Variants in KAT7 observed in about 807,000 individuals in gnomAD.
KAT7 encodes the protein histone acetyltransferase KAT7.
A neutral mutation model predicts 82.1 loss-of-function variants in KAT7; 10 were observed. The observed-to-expected ratio is 0.12, with a 90% CI of 0.08 to 0.21. The LOEUF (loss-of-function observed/expected upper bound fraction) is 0.21. Ranked by LOEUF, KAT7 falls within the 10% of genes least tolerant of loss-of-function variation. The pLI is 1.00. For synonymous variants in KAT7, 250 were observed against 262.5 expected (o/e 0.95, Z 0.46); for missense variants, 378 against 760.9 (o/e 0.50, Z 5.92).
Position 49,797,063 on chromosome 17 carries a change from T to C in KAT7, c.340+137T>C, listed in dbSNP as rs952643177. 2.9e-5 allele frequency: 20 copies of C among 683,746 alleles called. No individual in the cohort carries two copies. In the East Asian group the frequency reaches 3.2e-4, roughly 11 times the overall value. 42.4% of individuals were successfully genotyped at this position (683,746 alleles called of 1,614,324 possible). Reference sequence around the variant, plus strand: ...TGCTGTTTGCTTGCTTCCTTTCTTATGTCTTTTTTTTTTTTTTTGAGACGG... The same window carrying C: ...TGCTGTTTGCTTGCTTCCTTTCTTACGTCTTTTTTTTTTTTTTTGAGACGG... On this transcript the variant is annotated intron_variant, in intron 3 of 14. Coordinates refer to ENST00000259021, the MANE Select transcript of KAT7 (RefSeq NM_007067.5).
intron 4 of KAT7, among the ~76,000 whole-genome samples, chr17:49,800,259 C>T (rs1167096814): frequency 6.6e-6 from 1 of 152,110 alleles, no homozygotes; most frequent in African/African-American, 2.4e-5. Context: ...GATCCGCCCG[C>T]CTTGGCCTCC....
rs1248405484 is a variant in KAT7 at position 49,831,508 on chromosome 17, C to G, written c.*4006C>G. 6.6e-6 allele frequency: 1 copy of G among 152,114 alleles called. No individual in the cohort carries two copies. Among genetic ancestry groups the G allele is most frequent in the Non-Finnish European group, 1.5e-5 (1 of 68,050 alleles). The allele number at this position is 152,114 out of a possible 1,614,324, so 9.4% of individuals were successfully genotyped here. On this transcript the variant is annotated 3_prime_UTR_variant, in exon 15 of 15. Transcript: ENST00000259021. ...TTCTTCTAGATGAAAAATTGAGGCT[C>G]ATAGTGGTCTTGCTGCTGTGTCATA...
intron 4 of KAT7, among the ~76,000 whole-genome samples, chr17:49,799,943 T>A (rs571151619): frequency 2.0e-5 from 3 of 151,560 alleles, no homozygotes; most frequent in Non-Finnish European, 4.4e-5. Context: ...TAGCTGGGAC[T>A]ACAAGCGTGA....
In KAT7 at chr17:49,802,772, C is replaced by T. The variant is rs574514939; in HGVS notation, c.581-2591C>T. ...AGACAGGGTCTCTCTGTCACCTAGG[C>T]TGGAGTATGGTGGTGTGACCATGAC... On this transcript the variant is annotated intron_variant, in intron 4 of 14. Transcript: ENST00000259021. 5.3e-5 allele frequency among the ~76,000 whole-genome samples: 8 copies of T among 152,224 alleles called. No homozygotes were observed. In the South Asian group the frequency reaches 1.5e-3, roughly 28 times the overall value.
intron 3 of KAT7, 64 bp from the exon 4 acceptor site, chr17:49,798,255 T>C (rs939540951): frequency 3.3e-6 from 5 of 1,519,138 alleles, no homozygotes; most frequent in Non-Finnish European, 4.5e-6. Context: ...CCATAAACTC[T>C]GAATAGTAAA....
At chr17:49,794,249 G>A (rs922014943) in intron 2 of KAT7, among the ~76,000 whole-genome samples, 2 of 152,150 alleles carry the variant, frequency 1.3e-5, no homozygotes, top group Non-Finnish European at 2.9e-5. Context: ...CCAGAGGTGG[G>A]ACAGCCAACT....
At chr17:49,790,655 C>G (rs1334768621) in intron 1 of KAT7, among the ~76,000 whole-genome samples, 1 of 152,154 alleles carries the variant, frequency 6.6e-6, no homozygotes, top group Non-Finnish European at 1.5e-5. Context: ...TTAATCTGTC[C>G]TGAGGCTACT....
At chr17:49,818,090 C>CAAA in intron 9 of KAT7, 79 bp downstream of exon 9, 14 of 1,184,092 alleles carry the variant, frequency 1.2e-5, no homozygotes, top group Non-Finnish European at 1.6e-5. Flanking sequence ...ATAGCGATGG[C>CAAA]ATCTGTTCAG....
At position 49,831,160 on chromosome 17, in the gene KAT7, C is replaced by T. The variant is rs2074422162; in HGVS notation, c.*3658C>T. On this transcript the variant is annotated 3_prime_UTR_variant, in exon 15 of 15. Coordinates refer to ENST00000259021, the MANE Select transcript of KAT7 (RefSeq NM_007067.5). ...AGACGTGGGCACATGCCTGTAGTCT[C>T]AGCTACTTGGGAGGCTGAGGCACGA... is the stretch of plus-strand genomic sequence containing the variant. The T allele has an allele frequency of 6.6e-6, 1 of 152,262 alleles. No individual in the cohort carries two copies. The highest frequency in any genetic ancestry group is 6.5e-5 in the Admixed American group (1 of 15,278). 9.4% of individuals were successfully genotyped at this position (152,262 alleles called of 1,614,324 possible).
In KAT7 at chr17:49,830,881, A is replaced by G. The variant is rs2074420056; in HGVS notation, c.*3379A>G. The G allele has an allele frequency of 6.6e-6, 1 of 152,206 alleles. No individual in the cohort carries two copies. Among genetic ancestry groups the G allele is most frequent in the Non-Finnish European group, 1.5e-5 (1 of 68,022 alleles). The allele number at this position is 152,206 out of a possible 1,614,324, so 9.4% of individuals were successfully genotyped here. A position where few individuals can be genotyped will look rare whatever the true frequency, so the allele number is the denominator to read the frequency against. On this transcript the variant is annotated 3_prime_UTR_variant, in exon 15 of 15. Coordinates refer to ENST00000259021, the MANE Select transcript of KAT7 (RefSeq NM_007067.5). Reference sequence around the variant, plus strand: ...TCTAATGGCTTCCATTACAAGGATAATAATGAAACTGGTGAAAACTTTCAG... The same window carrying G: ...TCTAATGGCTTCCATTACAAGGATAGTAATGAAACTGGTGAAAACTTTCAG...
intron 1 of KAT7, chr17:49,789,560 G>A (rs543065492): frequency 6.6e-6 from 1 of 152,350 alleles, no homozygotes; most frequent in South Asian, 2.1e-4. Flanking sequence ...GAATGGCCCC[G>A]TCGTTTCTTC....
chr17:49,802,311 G>A (rs888880209), intron 4 of KAT7, among the ~76,000 whole-genome samples: 2 of 152,122 alleles, frequency 1.3e-5, no homozygotes, highest in Non-Finnish European at 2.9e-5. Context: ...CTTTTTTACT[G>A]TAGATAATAG....
At chr17:49,805,233 G>T in intron 4 of KAT7, 130 bp from the exon 5 acceptor site, 1 of 620,740 alleles carries the variant, frequency 1.6e-6, no homozygotes, top group Admixed American at 2.8e-5. Context: ...CTTATGTTTG[G>T]TGGATTCAGT....
At chr17:49,818,354 A>G (rs932500672) in intron 9 of KAT7, among the ~76,000 whole-genome samples, 5 of 152,210 alleles carry the variant, frequency 3.3e-5, no homozygotes, top group Non-Finnish European at 5.9e-5. Flanking sequence ...ATGAAAATAC[A>G]GACTTCATTA....
At chr17:49,796,368 A>G (rs2073956176) in intron 2 of KAT7, among the ~76,000 whole-genome samples, 1 of 152,234 alleles carries the variant, frequency 6.6e-6, no homozygotes. Flanking sequence ...AGTGCTTCAC[A>G]TGCATTATCT....
chr17:49,822,473 C>T (rs950896838), intron 11 of KAT7, among the ~76,000 whole-genome samples: 5 of 152,112 alleles, frequency 3.3e-5, no homozygotes, highest in Non-Finnish European at 7.4e-5. Flanking sequence ...TCAAGTAATC[C>T]ACTCGCCTTA....
intron 2 of KAT7, 69 bp from the exon 3 acceptor site, chr17:49,796,679 TAA>T: frequency 8.0e-7 from 1 of 1,247,360 alleles, no homozygotes; most frequent in Non-Finnish European, 1.1e-6. Context: ...GATATTCTGA[TAA>T]ATTATATGGA....
chr17:49,820,972 G>A (rs2074296815), intron 9 of KAT7, among the ~76,000 whole-genome samples: 1 of 152,086 alleles, frequency 6.6e-6, no homozygotes, highest in Admixed American at 6.5e-5. Context: ...GCCACCCTAA[G>A]CTGCTGGAAA....
At chr17:49,815,606 C>T in intron 7 of KAT7, 197 bp from the exon 8 acceptor site, 1 of 437,834 alleles carries the variant, frequency 2.3e-6, no homozygotes, top group Non-Finnish European at 4.0e-6. Flanking sequence ...TCTCCAGAAT[C>T]ACTGGGGTGG....
Sources: allele counts gnomAD v4.1 joint callset (sites outside exome capture counted in the v4.1 genomes callset), GRCh38; gene constraint gnomAD v4.1.1; transcripts MANE v1.5; gene names NCBI Gene and HGNC (gene_info 2026-07-23, HGNC 2026-07-21).